The following OPCML variants were observed in gnomAD, a reference collection of about 807,000 sequenced individuals.
The protein encoded by OPCML is opioid binding protein/cell adhesion molecule like, also known as opioid-binding protein/cell adhesion molecule.
Under a neutral mutation model 37.8 loss-of-function variants are expected in OPCML, and 13 were observed. The ratio of observed to expected loss-of-function variants is 0.34; its 90% CI spans 0.22 to 0.55. OPCML has a LOEUF of 0.55. Among genes scored for constraint, OPCML ranks in the 20% least tolerant of loss-of-function variants. The pLI is 0.91. For synonymous variants in OPCML, 176 were observed against 168.8 expected (o/e 1.04, Z -0.33); for missense variants, 341 against 435.6 (o/e 0.78, Z 1.93).
rs184766353 is a variant in OPCML, at chr11:132,480,841, C to G, written c.506-43482G>C. On this transcript the variant is annotated intron_variant, in intron 4 of 7. Transcript: ENST00000524381. ...TGCTGAGAGATTTTGTCACCACCAG[C>G]CCTGCCCTAAAAGAGCTCCTGAATG... Among the ~76,000 whole-genome samples the G allele has an allele frequency of 1.3e-5, 2 of 151,978 alleles. 1 individual carries two copies. The highest frequency in any genetic ancestry group is 3.9e-4 in the East Asian group (2 of 5,158).
chr11:133,368,250 G>C (rs886686005), intron 1 of OPCML, among the ~76,000 whole-genome samples: 1 of 151,696 alleles, frequency 6.6e-6, no homozygotes, highest in Admixed American at 6.6e-5. Context: ...GTGAGGTGGG[G>C]GGGGGAAGGA....
At chr11:133,017,529 C>A (rs1326403738) in intron 1 of OPCML, among the ~76,000 whole-genome samples, 1 of 152,052 alleles carries the variant, frequency 6.6e-6, no homozygotes, top group Non-Finnish European at 1.5e-5. Context: ...TCCCAAGTAG[C>A]TGGGATTACA....
chr11:132,807,532 T>C (rs1939087032), intron 2 of OPCML, among the ~76,000 whole-genome samples: 1 of 152,192 alleles, frequency 6.6e-6, no homozygotes, highest in Non-Finnish European at 1.5e-5. Context: ...CTAGTATTCA[T>C]TCATCTCCAC....
At chr11:132,748,343 T>C (rs190214466) in intron 2 of OPCML, among the ~76,000 whole-genome samples, 22 of 152,280 alleles carry the variant, frequency 1.4e-4, no homozygotes, top group African/African-American at 5.3e-4. Flanking sequence ...TTCACAGATA[T>C]GTATCGAATG....
At chr11:132,512,617 C>A (rs953227050) in intron 4 of OPCML, among the ~76,000 whole-genome samples, 2 of 151,860 alleles carry the variant, frequency 1.3e-5, no homozygotes, top group Admixed American at 6.6e-5. Flanking sequence ...CAAGATTTTA[C>A]ATTTTTTTCA....
chr11:133,227,021 T>G (rs1255679305), intron 1 of OPCML, among the ~76,000 whole-genome samples: 1 of 152,206 alleles, frequency 6.6e-6, no homozygotes, highest in Non-Finnish European at 1.5e-5. Context: ...AGGAAAAGAA[T>G]TTGCCTCGGC....
intron 1 of OPCML, among the ~76,000 whole-genome samples, chr11:133,092,498 G>A (rs370771536): frequency 3.3e-4 from 50 of 152,032 alleles, no homozygotes; most frequent in Non-Finnish European, 4.0e-4. Context: ...AAGCTGAGGC[G>A]GGCAGATCAT....
At chr11:132,696,137 G>A (rs374107869) in intron 2 of OPCML, among the ~76,000 whole-genome samples, 2 of 152,166 alleles carry the variant, frequency 1.3e-5, no homozygotes, top group African/African-American at 4.8e-5. Context: ...CAAGGAATTT[G>A]CCCCAGTTTA....
rs749198609 is a variant in OPCML, at chr11:132,420,303, G to GGA, written c.917-12_917-11dup. On this transcript the variant is annotated splice_polypyrimidine_tract_variant and intron_variant, in intron 7 of 7. Transcript: ENST00000524381. ...ATGACTGCTCCAGGCCCTGTGTAGG[G>GGA]GAGAGAGAGACAGACCCATTAGCAT... 1.2e-6 allele frequency: 2 copies of GGA among 1,613,444 alleles called. No individual in the cohort carries two copies. Among genetic ancestry groups the GGA allele is most frequent in the Non-Finnish European group, 1.7e-6 (2 of 1,179,720 alleles).
rs868405576 is a variant in OPCML at position 132,455,903 on chromosome 11, G to A, written c.506-18544C>T. The stretch of plus-strand genomic sequence containing the variant: ...TCAGATGACATAACAGATGATATGC[G>A]TTAGTGGTTATTGACTGTCAAACTT... On this transcript the variant is annotated intron_variant, in intron 4 of 7. Transcript: ENST00000524381. Among the ~76,000 whole-genome samples the A allele has an allele frequency of 5.9e-5, 9 of 152,166 alleles. No homozygotes were observed. In the South Asian group the frequency reaches 1.9e-3, roughly 31 times the overall value.
intron 7 of OPCML, among the ~76,000 whole-genome samples, chr11:132,431,575 C>T (rs1393357774): frequency 6.6e-6 from 1 of 152,218 alleles, no homozygotes; most frequent in Non-Finnish European, 1.5e-5. Flanking sequence ...TCAGTGCCAA[C>T]AGCTGTTTCA....
chr11:132,706,057 C>T (rs758640418), intron 2 of OPCML, among the ~76,000 whole-genome samples: 10 of 152,112 alleles, frequency 6.6e-5, no homozygotes, highest in Admixed American at 5.9e-4. Flanking sequence ...CCACACACCT[C>T]GGCCTCCCAA....
intron 1 of OPCML, among the ~76,000 whole-genome samples, chr11:133,380,429 A>G (rs1236528975): frequency 6.6e-6 from 1 of 152,006 alleles, no homozygotes; most frequent in Non-Finnish European, 1.5e-5. Flanking sequence ...CTATTTCTCC[A>G]TTAAGTACGG....
intron 2 of OPCML, among the ~76,000 whole-genome samples, chr11:132,895,951 T>C (rs1429168961): frequency 6.6e-6 from 1 of 152,138 alleles, no homozygotes; most frequent in African/African-American, 2.4e-5. Flanking sequence ...CAAGCAGAAG[T>C]CTGGGGAATG....
At chr11:132,857,005 A>C (rs1483431723) in intron 2 of OPCML, among the ~76,000 whole-genome samples, 1 of 152,146 alleles carries the variant, frequency 6.6e-6, no homozygotes, top group Non-Finnish European at 1.5e-5. Context: ...TGCCCCTTGG[A>C]TGAATTTTTT....
intron 1 of OPCML, among the ~76,000 whole-genome samples, chr11:133,455,652 A>T (rs1404667654): frequency 6.6e-6 from 1 of 152,240 alleles, no homozygotes; most frequent in Admixed American, 6.5e-5. Flanking sequence ...TCCTTTTGCC[A>T]GGTACTATGT....
rs76991714 is a variant in OPCML, at chr11:132,983,162, C to A, written c.62-40152G>T. Among the ~76,000 whole-genome samples, 862 of 152,282 alleles carry A rather than the reference C, an allele frequency of 5.7e-3. 5 individuals are homozygous for A. The highest frequency in any genetic ancestry group is 9.1e-3 in the South Asian group (44 of 4,824). On this transcript the variant is annotated intron_variant, in intron 1 of 7. Transcript: ENST00000524381. ...AAGGTTGCTTTTCAAGAGGCAGTCA[C>A]CCCAGCATCTCTCTACATCAAAATC... is the stretch of plus-strand genomic sequence containing the variant.
intron 1 of OPCML, among the ~76,000 whole-genome samples, chr11:133,071,688 T>C (rs1033760025): frequency 5.3e-5 from 8 of 152,224 alleles, no homozygotes; most frequent in Non-Finnish European, 8.8e-5. Context: ...GTCTGGCCTA[T>C]TGTTCATTTT....
At chr11:132,679,729 A>C (rs1309296252) in intron 2 of OPCML, among the ~76,000 whole-genome samples, 1 of 152,246 alleles carries the variant, frequency 6.6e-6, no homozygotes, top group Non-Finnish European at 1.5e-5. Context: ...TGCACACTTT[A>C]AATGAGTAAA....
Sources: allele counts gnomAD v4.1 joint callset (sites outside exome capture counted in the v4.1 genomes callset), GRCh38; gene constraint gnomAD v4.1.1; transcripts MANE v1.5; gene names NCBI Gene and HGNC (gene_info 2026-07-23, HGNC 2026-07-21).